The following B9D1 variants were observed in gnomAD, a reference collection of about 807,000 sequenced individuals.
The protein encoded by B9D1 is B9 domain containing 1.
A neutral mutation model predicts 26.1 loss-of-function variants in B9D1; 20 were observed. That is an observed-to-expected ratio of 0.77 (90% confidence interval 0.54 to 1.12). The LOEUF (loss-of-function observed/expected upper bound fraction) is 1.12. Among genes scored for constraint, B9D1 ranks in the 50% most tolerant of loss-of-function variants. The pLI is 0.00. For synonymous variants in B9D1, 105 were observed against 103.1 expected (o/e 1.02, Z -0.11); for missense variants, 260 against 273.7 (o/e 0.95, Z 0.35).
chr17:19,343,270 T>TC lies in B9D1; in HGVS notation c.*48dup, dbSNP rs748154295. ...TCAGGCCGATGGGCAGCGGCTGACT[T>TC]CGGGAAGGCAGCCCTTCATTATCAG... On this transcript the variant is annotated 3_prime_UTR_variant, in exon 7 of 7. Coordinates refer to ENST00000261499, the MANE Select transcript of B9D1 (RefSeq NM_015681.6). 2 of 1,612,756 alleles carry TC rather than the reference T, an allele frequency of 1.2e-6. No homozygotes were observed. Among genetic ancestry groups the TC allele is most frequent in the Non-Finnish European group, 1.7e-6 (2 of 1,179,678 alleles).
intron 5 of B9D1, chr17:19,344,512 G>A (rs557166012): frequency 1.9e-4 from 54 of 278,820 alleles, no homozygotes; most frequent in African/African-American, 9.8e-4. Flanking sequence ...CCCCGCCGCC[G>A]ACACACCCAC....
chr17:19,338,114 C>T (rs2152245523), downstream of B9D1, among the ~76,000 whole-genome samples: 1 of 152,350 alleles, frequency 6.6e-6, no homozygotes, highest in Non-Finnish European at 1.5e-5. Flanking sequence ...TGCCCTTCCC[C>T]CAACAATAAC....
downstream of B9D1, chr17:19,337,852 C>G: frequency 1.3e-6 from 1 of 758,868 alleles, no homozygotes; most frequent in South Asian, 1.5e-5. Context: ...GGCCCTCGGC[C>G]CCCATCCAGA....
Position 19,359,380 on chromosome 17 carries a change from GCA to G in B9D1, c.132+938_132+939del, listed in dbSNP as rs1341210757. On this transcript the variant is annotated intron_variant, in intron 2 of 6. Coordinates refer to ENST00000261499, the MANE Select transcript of B9D1 (RefSeq NM_015681.6). The surrounding 1 kb of genome is among the most constrained non-coding windows in gnomAD (Gnocchi z 5.0). Reference sequence around the variant, plus strand: ...CCTTGCTGGTCCTCAAACATGCCAGGCAAGCTCCTGCTCCAGGGCCTTTGCAC... The same window carrying G: ...CCTTGCTGGTCCTCAAACATGCCAGGAGCTCCTGCTCCAGGGCCTTTGCAC... Among the ~76,000 whole-genome samples, 1 of 152,180 alleles carries G rather than the reference GCA, an allele frequency of 6.6e-6. No individual in the cohort carries two copies. The highest frequency in any genetic ancestry group is 2.4e-5 in the African/African-American group (1 of 41,442).
intron 3 of B9D1, among the ~76,000 whole-genome samples, chr17:19,352,647 G>A (rs888894204): frequency 2.0e-5 from 3 of 149,582 alleles, no homozygotes; most frequent in African/African-American, 7.4e-5. Flanking sequence ...TCAGCCTCCC[G>A]AGTAGCTGGA....
chr17:19,366,788 G>A (rs1911612987), upstream of B9D1, among the ~76,000 whole-genome samples: 1 of 152,180 alleles, frequency 6.6e-6, no homozygotes, highest in African/African-American at 2.4e-5. Context: ...TTCACAAATG[G>A]TGCAAAGTCA....
intron 2 of B9D1, among the ~76,000 whole-genome samples, chr17:19,358,800 A>G (rs1042540358): frequency 2.0e-5 from 3 of 152,012 alleles, no homozygotes; most frequent in Admixed American, 6.6e-5. Context: ...ATGATTCCCA[A>G]ATTTATGTCT....
Position 19,347,510 on chromosome 17 carries a change from G to A in B9D1, c.342-179C>T, listed in dbSNP as rs1047491016. On this transcript the variant is annotated intron_variant, in intron 4 of 6. Coordinates refer to ENST00000261499, the MANE Select transcript of B9D1 (RefSeq NM_015681.6). The surrounding 1 kb of genome is among the most constrained non-coding windows in gnomAD (Gnocchi z 4.3). ...CCTGTGTCTGGGCAAGGTGCTGAGCGCCAGGAGACAGCCTCATGGAGGTCA... is the reference window on the plus strand; with the variant it reads ...CCTGTGTCTGGGCAAGGTGCTGAGCACCAGGAGACAGCCTCATGGAGGTCA... 1.3e-5 allele frequency among the ~76,000 whole-genome samples: 2 copies of A among 152,184 alleles called. No homozygotes were observed. Among genetic ancestry groups the A allele is most frequent in the Non-Finnish European group, 2.9e-5 (2 of 68,034 alleles).
chr17:19,364,546 GAC>G (rs1911470215), upstream of B9D1: 1 of 152,424 alleles, frequency 6.6e-6, no homozygotes, highest in Admixed American at 6.5e-5. This position sits in a 1 kb window ranked among gnomAD's most constrained non-coding sequence, Gnocchi z 4.3. Flanking sequence ...TGCAGATGCT[GAC>G]ACACAGCGAT....
upstream of B9D1, chr17:19,362,810 G>A (rs997794307): frequency 9.4e-5 from 115 of 1,228,682 alleles, no homozygotes; most frequent in Non-Finnish European, 1.2e-4. Flanking sequence ...CCTTAGGGCA[G>A]GTATGACCGA....
chr17:19,343,666 A>G, intron 6 of B9D1, 124 bp downstream of exon 6: 1 of 1,604,630 alleles, frequency 6.2e-7, no homozygotes, highest in East Asian at 2.2e-5. Flanking sequence ...TCATCTGGGA[A>G]CATTTGTGGG....
In B9D1 at chr17:19,352,514, A is replaced by ATTT. The variant is rs34659490; in HGVS notation, c.245-4637_245-4635dup. On this transcript the variant is annotated intron_variant, in intron 3 of 6. Coordinates refer to ENST00000261499, the MANE Select transcript of B9D1 (RefSeq NM_015681.6). ...TAGGCACCTGCCACGGGCCTGGCTAATTTTTTTTTTTTTTTTTTTTTTTTG... is the reference window on the plus strand; with the variant it reads ...TAGGCACCTGCCACGGGCCTGGCTAATTTTTTTTTTTTTTTTTTTTTTTTTTTG... Among the ~76,000 whole-genome samples the ATTT allele has an allele frequency of 6.3e-3, 598 of 95,076 alleles. 13 individuals carry two copies. The highest frequency in any genetic ancestry group is 0.031 in the East Asian group (79 of 2,530). 62.4% of individuals were successfully genotyped at this position (95,076 alleles called of 152,430 possible). A position where few individuals can be genotyped will look rare whatever the true frequency, so the allele number is the denominator to read the frequency against.
chr17:19,347,208 A>G lies in B9D1; in HGVS notation c.404+61T>C. 1 of 1,614,162 alleles carries G rather than the reference A, an allele frequency of 6.2e-7. No individual in the cohort carries two copies. Among genetic ancestry groups the G allele is most frequent in the Non-Finnish European group, 8.5e-7 (1 of 1,180,008 alleles). ...CGACCAGGCACAAACTGAGGGGTAG[A>G]ATGGGACATCCATTCATCCAGTAGA... is the stretch of plus-strand genomic sequence containing the variant. On this transcript the variant is annotated intron_variant, in intron 5 of 6. Coordinates refer to ENST00000261499, the MANE Select transcript of B9D1 (RefSeq NM_015681.6). The surrounding 1 kb of genome is among the most constrained non-coding windows in gnomAD (Gnocchi z 4.3).
rs138919391 is a variant in B9D1, at chr17:19,370,806, C to A, written c.-298+7053G>T. On this transcript the variant is annotated intron_variant, in intron 1 of 5. Transcript: ENST00000477478. The surrounding 1 kb of genome is among the most constrained non-coding windows in gnomAD (Gnocchi z 5.1). ...CCTGCCCTTTCCTCCACCAAAACCA[C>A]ACTCAGCTCATAGGCTGGCCTCAGG... 6.6e-6 allele frequency among the ~76,000 whole-genome samples: 1 copy of A among 152,360 alleles called. No individual in the cohort carries two copies. Among genetic ancestry groups the A allele is most frequent in the African/African-American group, 2.4e-5 (1 of 41,596 alleles).
chr17:19,365,830 T>C (rs1197196610), upstream of B9D1, among the ~76,000 whole-genome samples: 1 of 152,134 alleles, frequency 6.6e-6, no homozygotes, highest in Non-Finnish European at 1.5e-5. The surrounding 1 kb of genome is among the most constrained non-coding windows in gnomAD (Gnocchi z 5.0). Flanking sequence ...CAAAGTTCCA[T>C]ACATTTGTAG....
chr17:19,362,468 G>T (rs1359696137), intron 1 of B9D1, 39 bp downstream of exon 1: 1 of 1,493,258 alleles, frequency 6.7e-7, no homozygotes, highest in South Asian at 1.3e-5. Context: ...CCCGGGGGAC[G>T]CTGGGGGGCG....
intron 1 of B9D1, among the ~76,000 whole-genome samples, chr17:19,376,623 AC>A (rs1292526414): frequency 1.4e-4 from 13 of 95,202 alleles, no homozygotes; most frequent in African/African-American, 6.3e-4. Flanking sequence ...CTACTAAAAT[AC>A]AAAAAAAAAA....
downstream of B9D1, among the ~76,000 whole-genome samples, chr17:19,338,419 G>T (rs1907638806): frequency 6.6e-6 from 1 of 152,254 alleles, no homozygotes; most frequent in Non-Finnish European, 1.5e-5. Context: ...CTTCAGTCCA[G>T]GCTCATGGAC....
downstream of B9D1, chr17:19,335,381 AC>A (rs952323707): frequency 1.3e-6 from 2 of 1,547,498 alleles, no homozygotes; most frequent in African/African-American, 2.7e-5. Context: ...ATTTTTATCA[AC>A]TAATTCCTTT....
Sources: allele counts gnomAD v4.1 joint callset (sites outside exome capture counted in the v4.1 genomes callset), GRCh38; gene constraint gnomAD v4.1.1; non-coding constraint Gnocchi (gnomAD v3.1); transcripts MANE v1.5; gene names NCBI Gene and HGNC (gene_info 2026-07-23, HGNC 2026-07-21).